The following RIN3 variants were observed in gnomAD, a reference collection of about 807,000 sequenced individuals.
RIN3 encodes Ras and Rab interactor 3.
Under a neutral mutation model 76.3 loss-of-function variants are expected in RIN3, and 54 were observed. The observed-to-expected ratio is 0.71, with a 90% confidence interval of 0.57 to 0.89. The LOEUF (loss-of-function observed/expected upper bound fraction) is 0.89, where lower values mean the gene tolerates loss of function less well. RIN3 is among the 40% of genes least tolerant of loss of function. RIN3 has a pLI of 0.00. For missense variants in RIN3, 1,256 were observed against 1,322.1 expected (o/e 0.95, Z 0.78); for synonymous variants, 576 against 564.0 (o/e 1.02, Z -0.30).
intron 7 of RIN3, among the ~76,000 whole-genome samples, chr14:92,666,472 T>C (rs1888109509): frequency 6.6e-6 from 1 of 152,182 alleles, no homozygotes; most frequent in Admixed American, 6.5e-5. Flanking sequence ...TGGTCGAGTG[T>C]GTCTTCTCCT....
intron 1 of RIN3, among the ~76,000 whole-genome samples, chr14:92,525,960 C>T (rs561113708): frequency 4.6e-5 from 7 of 152,168 alleles, no homozygotes; most frequent in South Asian, 4.2e-4. Context: ...ACTTTTCCTG[C>T]GGCATGAGAG....
Position 92,688,291 on chromosome 14 carries a change from G to A in RIN3, c.*39G>A, listed in dbSNP as rs1239769046. 1 of 1,480,758 alleles carries A rather than the reference G, an allele frequency of 6.8e-7. No homozygotes were observed. The highest frequency in any genetic ancestry group is 2.2e-5 in the Admixed American group (1 of 45,008). 91.7% of individuals were successfully genotyped at this position (1,480,758 alleles called of 1,614,324 possible). A position where few individuals can be genotyped will look rare whatever the true frequency, so the allele number is the denominator to read the frequency against. On this transcript the variant is annotated 3_prime_UTR_variant, in exon 10 of 10. Transcript: ENST00000216487. ...CGCCTCCCCTCACCCCCAGGCGCAC[G>A]TCTGGCCCCGCCTCTGGCTGCGCAC...
chr14:92,679,030 G>A (rs921076695), intron 8 of RIN3, among the ~76,000 whole-genome samples: 1 of 152,206 alleles, frequency 6.6e-6, no homozygotes, highest in Admixed American at 6.5e-5. Flanking sequence ...CCTTCTTCCT[G>A]TTCCCAGAAG....
chr14:92,586,180 G>A (rs549482928), intron 3 of RIN3, among the ~76,000 whole-genome samples: 76 of 152,274 alleles, frequency 5.0e-4, no homozygotes, highest in African/African-American at 1.5e-3. Flanking sequence ...CATGGGACGC[G>A]CTCCACAACT....
rs538004270 is a variant in RIN3 at position 92,594,296 on chromosome 14, G to A, written c.367+16819G>A. Reference sequence around the variant, plus strand: ...AAAAATACAAAATTAGCTGGGCATGGTGGCGCATGCCTGTAATCCCAGCTA... The same window carrying A: ...AAAAATACAAAATTAGCTGGGCATGATGGCGCATGCCTGTAATCCCAGCTA... On this transcript the variant is annotated intron_variant, in intron 3 of 9. Coordinates refer to ENST00000216487, the MANE Select transcript of RIN3 (RefSeq NM_024832.5). Among the ~76,000 whole-genome samples, 36 of 152,210 alleles carry A rather than the reference G, an allele frequency of 2.4e-4. No individual in the cohort carries two copies. The South Asian group carries it at 7.5e-3, about 32-fold the overall frequency.
At chr14:92,678,896 A>T (rs771914985) in intron 8 of RIN3, among the ~76,000 whole-genome samples, 4 of 152,192 alleles carry the variant, frequency 2.6e-5, no homozygotes, top group Non-Finnish European at 2.9e-5. Context: ...AGCTCTCAGC[A>T]TGCACACAGA....
intron 4 of RIN3, among the ~76,000 whole-genome samples, chr14:92,634,848 A>G (rs1886718013): frequency 1.5e-5 from 2 of 134,550 alleles, no homozygotes; most frequent in African/African-American, 3.0e-5. Flanking sequence ...CCAGAACGAG[A>G]CTCTATCTAA....
intron 6 of RIN3, among the ~76,000 whole-genome samples, chr14:92,657,547 C>A (rs746261111): frequency 6.6e-6 from 1 of 152,028 alleles, no homozygotes; most frequent in Admixed American, 6.6e-5. Flanking sequence ...GTGAAGGGGC[C>A]GGGAGGGCGT....
chr14:92,679,018 A>T lies in RIN3; in HGVS notation c.2467+2412A>T, dbSNP rs537104222. Among the ~76,000 whole-genome samples the T allele has an allele frequency of 3.0e-4, 45 of 152,264 alleles. 1 individual carries two copies. The South Asian group carries it at 4.1e-3, about 14-fold the overall frequency. On this transcript the variant is annotated intron_variant, in intron 8 of 9. Coordinates refer to ENST00000216487, the MANE Select transcript of RIN3 (RefSeq NM_024832.5). ...CCCAATCCTGCCATGGCCTCCTGGG[A>T]TCCTTCTTCCTGTTCCCAGAAGCCT... is the stretch of plus-strand genomic sequence containing the variant.
intron 7 of RIN3, among the ~76,000 whole-genome samples, chr14:92,668,775 G>A (rs1468919934): frequency 1.3e-5 from 2 of 152,242 alleles, no homozygotes; most frequent in East Asian, 1.9e-4. Context: ...CATGGGAACA[G>A]TGGAGGGACA....
chr14:92,578,586 C>T (rs748934413), intron 3 of RIN3, among the ~76,000 whole-genome samples: 1 of 152,214 alleles, frequency 6.6e-6, no homozygotes, highest in African/African-American at 2.4e-5. Flanking sequence ...TCAAATCAGC[C>T]TCCCTGAAAA....
intron 2 of RIN3, among the ~76,000 whole-genome samples, chr14:92,562,150 G>A (rs114214770): frequency 1.8e-3 from 278 of 152,356 alleles, no homozygotes; most frequent in African/African-American, 6.0e-3. Context: ...TTTGTAGAAT[G>A]TTCCTCCACT....
At chr14:92,644,894 C>T (rs902006356) in intron 5 of RIN3, 1 of 152,222 alleles carries the variant, frequency 6.6e-6, no homozygotes, top group African/African-American at 2.4e-5. Flanking sequence ...CCTGACACAC[C>T]AGGCATTGTG....
intron 7 of RIN3, among the ~76,000 whole-genome samples, chr14:92,661,732 C>CAT (rs1396887481): frequency 8.6e-6 from 1 of 116,664 alleles, no homozygotes; most frequent in East Asian, 4.4e-4. Flanking sequence ...GTCACACACA[C>CAT]ACACACACAC....
chr14:92,617,347 G>A (rs1056502163), intron 4 of RIN3, among the ~76,000 whole-genome samples: 7 of 151,158 alleles, frequency 4.6e-5, no homozygotes, highest in African/African-American at 1.7e-4. Context: ...CCCCTTTTTG[G>A]TCACGTTCTC....
At chr14:92,559,453 G>A (rs1897699828) in intron 2 of RIN3, among the ~76,000 whole-genome samples, 1 of 152,172 alleles carries the variant, frequency 6.6e-6, no homozygotes, top group Admixed American at 6.5e-5. Flanking sequence ...AATTTTCTGA[G>A]ATCAACCAGT....
chr14:92,677,496 G>A (rs1328984330), intron 8 of RIN3, among the ~76,000 whole-genome samples: 1 of 152,166 alleles, frequency 6.6e-6, no homozygotes, highest in Non-Finnish European at 1.5e-5. Flanking sequence ...CAGTCTCTGG[G>A]GTGATAGTTT....
In RIN3 at chr14:92,573,768, C is replaced by T. The variant is rs145966624; in HGVS notation, c.250-3592C>T. On this transcript the variant is annotated intron_variant, in intron 2 of 9. Transcript: ENST00000216487. ...CATTCCCTCACACACTGCTGGTTCC[C>T]ATGGGCCTGGTGGCCAAGGAGGCAG... Among the ~76,000 whole-genome samples the T allele has an allele frequency of 2.5e-3, 378 of 152,348 alleles. 1 individual carries two copies. The highest frequency in any genetic ancestry group is 8.7e-3 in the African/African-American group (360 of 41,572).
At chr14:92,555,592 A>T (rs1897553289) in intron 1 of RIN3, among the ~76,000 whole-genome samples, 159 bp from the exon 2 acceptor site, 1 of 152,072 alleles carries the variant, frequency 6.6e-6, no homozygotes, top group Non-Finnish European at 1.5e-5. Context: ...AAGCACCCTA[A>T]GATGAAGACC....
Sources: gnomAD v4.1 joint callset for allele counts (sites outside exome capture counted in the v4.1 genomes callset) on GRCh38, gnomAD v4.1.1 for gene constraint, MANE v1.5 for transcripts, NCBI Gene and HGNC (gene_info 2026-07-23, HGNC 2026-07-21) for gene names.